Variants in WRN observed in about 807,000 individuals in gnomAD.
The protein encoded by WRN is bifunctional 3'-5' exonuclease/ATP-dependent helicase WRN.
A neutral mutation model predicts 180.7 loss-of-function variants in WRN; 149 were observed. The observed-to-expected ratio is 0.82, with a 90% CI of 0.72 to 0.94. The LOEUF is 0.94. Ranked by LOEUF, WRN falls within the 40% of genes least tolerant of loss-of-function variation. WRN has a pLI of 0.00. For synonymous variants in WRN, 548 were observed against 568.9 expected, an observed-to-expected ratio of 0.96 and a Z score of 0.52; for missense variants, 1,661 against 1,700.1, an observed-to-expected ratio of 0.98 and a Z score of 0.40.
chr8:31,059,765 A>G (rs1190561474), intron 3 of WRN, among the ~76,000 whole-genome samples: 1 of 152,180 alleles, frequency 6.6e-6, no homozygotes, highest in Non-Finnish European at 1.5e-5. Context: ...TGTTCTAACT[A>G]AACATTAGAG....
intron 34 of WRN, chr8:31,171,359 TG>T (rs1804095700): frequency 6.7e-6 from 1 of 148,708 alleles, no homozygotes; most frequent in South Asian, 2.1e-4. Flanking sequence ...CATTAAAAAG[TG>T]GGCAAAGGAC....
In WRN at chr8:31,111,852, T is replaced by TA. The variant is rs1314898731; in HGVS notation, c.2273+55dup. On this transcript the variant is annotated intron_variant, in intron 19 of 34. Coordinates refer to ENST00000298139, the MANE Select transcript of WRN (RefSeq NM_000553.6). Reference sequence around the variant, plus strand: ...GGTAATGATTTCCTTTTTTTTTTTTTAACAACTTATGTATTTTATGTTATT... The same window carrying TA: ...GGTAATGATTTCCTTTTTTTTTTTTTAAACAACTTATGTATTTTATGTTATT... The TA allele has an allele frequency of 5.5e-4, 822 of 1,501,716 alleles. 1 individual carries two copies. The African/African-American group carries it at 0.01, about 18-fold the overall frequency. The allele number at this position is 1,501,716 out of a possible 1,614,324, so 93.0% of individuals were successfully genotyped here.
chr8:31,140,768 T>G (rs1013525811), intron 24 of WRN, among the ~76,000 whole-genome samples: 1 of 152,164 alleles, frequency 6.6e-6, no homozygotes, highest in Non-Finnish European at 1.5e-5. Flanking sequence ...TTTGTTTTGT[T>G]TTTTTGAGAT....
chr8:31,075,373 G>A (rs772130302), intron 7 of WRN, among the ~76,000 whole-genome samples: 8 of 152,114 alleles, frequency 5.3e-5, no homozygotes, highest in Non-Finnish European at 1.2e-4. Context: ...TACCAGACAG[G>A]ATGAAGTTGA....
intron 15 of WRN, among the ~76,000 whole-genome samples, chr8:31,091,210 A>G (rs571355117): frequency 1.3e-5 from 2 of 152,232 alleles, no homozygotes; most frequent in South Asian, 2.1e-4. Flanking sequence ...ATATCTCAAA[A>G]TTCTTTTCTC....
At chr8:31,150,234 A>G in intron 30 of WRN, 107 bp from the exon 31 acceptor site, 1 of 885,808 alleles carries the variant, frequency 1.1e-6, no homozygotes, top group South Asian at 1.4e-5. Context: ...CTATACATTT[A>G]TTGAGAGAAT....
chr8:31,087,283 TC>T (rs920393481), intron 11 of WRN, among the ~76,000 whole-genome samples: 1 of 152,228 alleles, frequency 6.6e-6, no homozygotes, highest in African/African-American at 2.4e-5. Context: ...TTTGTAAAAT[TC>T]CTTTTCTAAA....
chr8:31,042,223 T>G (rs1811687099), intron 1 of WRN, among the ~76,000 whole-genome samples: 3 of 152,020 alleles, frequency 2.0e-5, no homozygotes, highest in Non-Finnish European at 4.4e-5. Context: ...AATAAATAGG[T>G]GGAGCAGGAT....
At chr8:31,121,470 T>G (rs969463397) in intron 21 of WRN, among the ~76,000 whole-genome samples, 8 of 152,132 alleles carry the variant, frequency 5.3e-5, no homozygotes, top group Non-Finnish European at 1.2e-4. Flanking sequence ...ATGGTAATTC[T>G]TTAGAGAATC....
chr8:31,153,395 A>G (rs2130465305), intron 31 of WRN, among the ~76,000 whole-genome samples: 1 of 152,180 alleles, frequency 6.6e-6, no homozygotes, highest in South Asian at 2.1e-4. Context: ...TTCCTCAGTA[A>G]ATACCCATTT....
In WRN at chr8:31,173,969, A is replaced by G. The variant is rs1804191780; in HGVS notation, c.*867A>G. On this transcript the variant is annotated 3_prime_UTR_variant, in exon 35 of 35. Coordinates refer to ENST00000298139, the MANE Select transcript of WRN (RefSeq NM_000553.6). ...AAGCCTTTGATTGGCTTTTTTGTAA[A>G]TAAAAATAACTTGTTAAGAAACAAA... is the stretch of plus-strand genomic sequence containing the variant. 6.6e-6 allele frequency among the ~76,000 whole-genome samples: 1 copy of G among 152,174 alleles called. No homozygotes were observed. The highest frequency in any genetic ancestry group is 2.1e-4 in the South Asian group (1 of 4,832).
At chr8:31,081,397 C>A in intron 9 of WRN, 101 bp downstream of exon 9, 1 of 1,260,994 alleles carries the variant, frequency 7.9e-7, no homozygotes, top group South Asian at 1.4e-5. Flanking sequence ...CTTTGTGGGA[C>A]ATACAGTCTC....
In WRN at chr8:31,085,180, T is replaced by G; in HGVS notation, c.1365T>G (p.Asn455Lys). ...EMEMLKHLSP[N>K]DNENDTSYVI... ...TTTTTTTAAAGCATTTATCTCCCAA[T>G]GATAATGAAAACGATACGTCCTATG... Residue 455 changes from asparagine to lysine, a missense_variant, in exon 11 of 35, where the codon AAT becomes AAG. By Grantham distance (94) the Asn-to-Lys change is moderately conservative (BLOSUM62 0). This residue lies in a region of WRN where 20 missense variants were observed against 46.7 expected (regional missense o/e 0.43). Coordinates refer to ENST00000298139, the MANE Select transcript of WRN (RefSeq NM_000553.6). 6.2e-7 allele frequency: 1 copy of G among 1,613,028 alleles called. No homozygotes were observed. The highest frequency in any genetic ancestry group is 8.5e-7 in the Non-Finnish European group (1 of 1,179,376).
Position 31,141,692 on chromosome 8 carries a change from G to C in WRN, c.3150G>C (p.Trp1050Cys). The C allele has an allele frequency of 6.2e-7, 1 of 1,614,160 alleles. No homozygotes were observed. The highest frequency in any genetic ancestry group is 8.5e-7 in the Non-Finnish European group (1 of 1,180,022). ...TTTGCTTTTAATAGGGTAGAAATTG[G>C]CTTCATAAAGCTAATACAGAATCTC... ...ICALTKKGRN[W>C]LHKANTESQS... Residue 1050 changes from tryptophan (W) to cysteine (C), a missense_variant, in exon 26 of 35, where the codon TGG becomes TGC. Coordinates refer to ENST00000298139, the MANE Select transcript of WRN (RefSeq NM_000553.6).
intron 6 of WRN, among the ~76,000 whole-genome samples, chr8:31,067,814 C>T (rs960642571): frequency 2.0e-5 from 3 of 152,056 alleles, no homozygotes; most frequent in South Asian, 2.1e-4. Context: ...TATTGTTTCT[C>T]CTTTGCATCT....
chr8:31,110,762 T>A (rs978413225), intron 18 of WRN, among the ~76,000 whole-genome samples: 1 of 152,228 alleles, frequency 6.6e-6, no homozygotes, highest in Non-Finnish European at 1.5e-5. Context: ...GAAAGTTATA[T>A]TCTTGGTGAT....
At chr8:31,106,511 GT>G (rs1424340643) in intron 18 of WRN, among the ~76,000 whole-genome samples, 1 of 152,022 alleles carries the variant, frequency 6.6e-6, no homozygotes, top group Non-Finnish European at 1.5e-5. Context: ...CACCCTCCTT[GT>G]TTTTCTTCGG....
In WRN at chr8:31,147,110, A is replaced by C. The variant is rs2130439188; in HGVS notation, c.3441A>C (p.Ala1147=). The C allele has an allele frequency of 6.2e-7, 1 of 1,613,936 alleles. No individual in the cohort carries two copies. The highest frequency in any genetic ancestry group is 8.5e-7 in the Non-Finnish European group (1 of 1,179,860). Reference sequence around the variant, plus strand: ...GTTCCTCACAGCCTGTTATTTCGGCACAAGAGCAGGAGACTCAGGTAAGGC... The same window carrying C: ...GTTCCTCACAGCCTGTTATTTCGGCCCAAGAGCAGGAGACTCAGGTAAGGC... The part of the protein sequence containing the change: ...AYSSSQPVIS[A]QEQETQIVLY... Residue 1147 remains alanine, a synonymous_variant, in exon 29 of 35, where the codon GCA becomes GCC. Coordinates refer to ENST00000298139, the MANE Select transcript of WRN (RefSeq NM_000553.6).
chr8:31,113,147 A>G (rs982288238), intron 19 of WRN, among the ~76,000 whole-genome samples: 3 of 149,280 alleles, frequency 2.0e-5, no homozygotes, highest in South Asian at 4.5e-4. Flanking sequence ...TTGGGGCTGC[A>G]GTGAGCTGAG....
Sources: gnomAD v4.1 joint callset for allele counts (sites outside exome capture counted in the v4.1 genomes callset) on GRCh38, gnomAD v4.1.1 for gene constraint, gnomAD v4.1.1 regional missense constraint, MANE v1.5 for transcripts, NCBI Gene and HGNC (gene_info 2026-07-23, HGNC 2026-07-21) for gene names.